The following PABIR3 variants were observed in gnomAD, a reference collection of about 807,000 sequenced individuals.
The protein encoded by PABIR3 is PABIR family member 3.
Under a neutral mutation model 23.1 loss-of-function variants are expected in PABIR3, and 20 were observed. The ratio of observed to expected loss-of-function variants is 0.86; its 90% CI spans 0.61 to 1.26. The LOEUF (loss-of-function observed/expected upper bound fraction) is 1.26, where lower values mean the gene tolerates loss of function less well. Among genes scored for constraint, PABIR3 ranks in the 50% most tolerant of loss-of-function variants. The probability of loss-of-function intolerance (pLI) is 0.00; values close to 1 mark genes in which losing one functional copy is unlikely to be tolerated. For missense variants in PABIR3, 189 were observed against 195.4 expected, an observed-to-expected ratio of 0.97 and a Z score of 0.20; for synonymous variants, 69 against 68.5, an observed-to-expected ratio of 1.01 and a Z score of -0.04.
rs543992372 is a variant in PABIR3, at chrX:134,809,845, G to C, written c.110+2137G>C. The C allele has an allele frequency of 5.3e-6, 4 of 754,052 alleles. No homozygotes were observed. The South Asian group carries it at 2.7e-4, about 51-fold the overall frequency. 62.1% of individuals were successfully genotyped at this position (754,052 alleles called of 1,213,427 possible). A position where few individuals can be genotyped will look rare whatever the true frequency, so the allele number is the denominator to read the frequency against. On this transcript the variant is annotated intron_variant, in intron 2 of 10. Coordinates refer to ENST00000645433, the MANE Select transcript of PABIR3 (RefSeq NM_001388447.1). Reference sequence around the variant, plus strand: ...TTAACTCTAAATGAATGCAGCTTTTGGGTCATTTGAGGTAGGAGAGAATAT... The same window carrying C: ...TTAACTCTAAATGAATGCAGCTTTTCGGTCATTTGAGGTAGGAGAGAATAT...
chrX:134,821,576 A>T (rs773881994), intron 3 of PABIR3: 118 of 1,144,052 alleles, frequency 1.0e-4, no homozygotes, highest in Non-Finnish European at 1.3e-4. Context: ...CCTAAGAGAA[A>T]AGGTTGTGCT....
At chrX:134,855,054 T>C (rs185487820), downstream of PABIR3, among the ~76,000 whole-genome samples, 3 of 111,284 alleles carry the variant, frequency 2.7e-5, no homozygotes, top group African/African-American at 9.8e-5. Flanking sequence ...TTCCCTAAGG[T>C]CTATAAATGT....
chrX:134,851,763 G>C (rs911706287), intron 9 of PABIR3, among the ~76,000 whole-genome samples: 1 of 111,539 alleles, frequency 9.0e-6, no homozygotes, highest in Non-Finnish European at 1.9e-5. Flanking sequence ...ATCTGGCAAG[G>C]CACGGGACAC....
intron 10 of PABIR3, among the ~76,000 whole-genome samples, chrX:134,853,615 CTT>C (rs368624003): frequency 2.0e-5 from 2 of 100,544 alleles, no homozygotes; most frequent in Non-Finnish European, 2.0e-5. Context: ...AGATTTCTTT[CTT>C]TTTTTTTTTT....
intron 4 of PABIR3, among the ~76,000 whole-genome samples, chrX:134,839,757 C>G (rs1427751124): frequency 9.6e-6 from 1 of 103,734 alleles, no homozygotes; most frequent in Non-Finnish European, 2.0e-5. Context: ...GCCCCCCGCC[C>G]GGCCAGCCGC....
At chrX:134,841,297 T>C (rs968108662) in intron 4 of PABIR3, among the ~76,000 whole-genome samples, 1 of 110,979 alleles carries the variant, frequency 9.0e-6, no homozygotes, top group Non-Finnish European at 1.9e-5. Flanking sequence ...CACACCACTC[T>C]TCTATTATGG....
At chrX:134,850,486 C>G (rs1030322950) in intron 9 of PABIR3, among the ~76,000 whole-genome samples, 18 of 111,446 alleles carry the variant, frequency 1.6e-4, no homozygotes, top group South Asian at 1.5e-3. Context: ...GCTTAGGGGT[C>G]TTTTACCTGT....
chrX:134,808,229 G>A (rs1451728830), intron 2 of PABIR3: 1 of 292,396 alleles, frequency 3.4e-6, no homozygotes, highest in Non-Finnish European at 5.9e-6. Context: ...TTGCTCTGTC[G>A]CCCAGGCTGG....
intron 8 of PABIR3, among the ~76,000 whole-genome samples, chrX:134,848,627 A>G (rs1050919444): frequency 8.9e-6 from 1 of 111,954 alleles, no homozygotes; most frequent in Non-Finnish European, 1.9e-5. Context: ...TGTAGACTCT[A>G]GGATTCAAAA....
At chrX:134,856,252 C>T (rs2082749739), downstream of PABIR3, among the ~76,000 whole-genome samples, 1 of 102,473 alleles carries the variant, frequency 9.8e-6, no homozygotes, top group African/African-American at 3.7e-5. Context: ...GTGGCATGAT[C>T]TCGGCTCACT....
intron 3 of PABIR3, among the ~76,000 whole-genome samples, chrX:134,828,047 C>CTCTCTCTCTCTCTCTCTATATATA (rs1466733144): frequency 2.0e-5 from 1 of 49,420 alleles, no homozygotes; most frequent in African/African-American, 8.2e-5. Flanking sequence ...CTCTCTCTCT[C>CTCTCTCTCTCTCTCTCTATATATA]TATATATATA....
chrX:134,861,621 C>T, the PABIR3 span, among the ~76,000 whole-genome samples: 1 of 103,072 alleles, frequency 9.7e-6, no homozygotes, highest in Admixed American at 1.1e-4. Context: ...TTGCAGTGAG[C>T]CGAGATAGCG....
intron 3 of PABIR3, among the ~76,000 whole-genome samples, chrX:134,816,734 G>T (rs1249437641): frequency 4.5e-5 from 5 of 112,235 alleles, no homozygotes; most frequent in Non-Finnish European, 9.4e-5. Context: ...TTATAGGTTT[G>T]TTGAGATTTT....
upstream of PABIR3, among the ~76,000 whole-genome samples, chrX:134,802,696 C>T (rs980917499): frequency 8.0e-5 from 9 of 112,678 alleles, no homozygotes; most frequent in African/African-American, 2.9e-4. Context: ...CAGACCTTTT[C>T]GCCAGAAGAG....
the PABIR3 span, among the ~76,000 whole-genome samples, chrX:134,861,561 C>T: frequency 9.5e-6 from 1 of 105,366 alleles, no homozygotes; most frequent in Non-Finnish European, 1.9e-5. Flanking sequence ...GTAGTCCCAG[C>T]TACTAGGGAG....
Position 134,829,243 on chromosome X carries a change from C to T in PABIR3, c.207C>T (p.Pro69=), listed in dbSNP as rs2081648840. ...AATTTCAGTTGTTGCCACCTCCTCC[C>T]TTTCATGGTTCCATCAGCCGCCTTC... ...NRRSLLLPPP[P]FHGSISRLHQ... The change falls in exon 4 of 11, where the codon CCC becomes CCT. Residue 69 remains proline, a synonymous_variant. Coordinates refer to ENST00000645433, the MANE Select transcript of PABIR3 (RefSeq NM_001388447.1). The T allele has an allele frequency of 8.3e-7, 1 of 1,209,097 alleles. No homozygotes were observed. Among genetic ancestry groups the T allele is most frequent in the Non-Finnish European group, 1.1e-6 (1 of 893,519 alleles).
chrX:134,859,742 A>T (rs1192163207), downstream of PABIR3, among the ~76,000 whole-genome samples: 1 of 112,232 alleles, frequency 8.9e-6, no homozygotes, highest in Non-Finnish European at 1.9e-5. Flanking sequence ...ATATGGCAAT[A>T]AGAAAAGCCT....
intron 4 of PABIR3, among the ~76,000 whole-genome samples, chrX:134,842,975 G>A (rs2082288630): frequency 9.1e-6 from 1 of 109,609 alleles, no homozygotes; most frequent in Non-Finnish European, 1.9e-5. Context: ...GGCCAAGACG[G>A]GCGGATCACA....
At chrX:134,852,236 A>G (rs1194569704) in intron 9 of PABIR3, among the ~76,000 whole-genome samples, 2 of 111,989 alleles carry the variant, frequency 1.8e-5, no homozygotes, top group Non-Finnish European at 3.8e-5. Flanking sequence ...GCATTTTGGG[A>G]GGCCAAGGTG....
Sources: allele counts gnomAD v4.1 joint callset (sites outside exome capture counted in the v4.1 genomes callset), GRCh38; gene constraint gnomAD v4.1.1; transcripts MANE v1.5; gene names NCBI Gene and HGNC (gene_info 2026-07-23, HGNC 2026-07-21).